BMPR2: variants seen among roughly 807,000 people sequenced by gnomAD.
The protein encoded by BMPR2 is bone morphogenetic protein receptor type 2.
In BMPR2, 29 loss-of-function variants were observed where a neutral mutation model predicts 100.8. That is an observed-to-expected ratio of 0.29 (90% CI 0.21 to 0.39). BMPR2 has a LOEUF of 0.39. BMPR2 is among the 10% of genes least tolerant of loss of function. The pLI is 1.00. For synonymous variants in BMPR2, 382 were observed against 442.3 expected (o/e 0.86, Z 1.71); for missense variants, 1,011 against 1,274.5 (o/e 0.79, Z 3.15).
At chr2:202,448,955 G>C (rs1691915736) in intron 1 of BMPR2, among the ~76,000 whole-genome samples, 1 of 150,884 alleles carries the variant, frequency 6.6e-6, no homozygotes, top group South Asian at 2.1e-4. Flanking sequence ...GTGTGTGTGT[G>C]TGTGTGTATT....
chr2:202,536,992 G>C (rs140952166), intron 9 of BMPR2, among the ~76,000 whole-genome samples: 1 of 152,080 alleles, frequency 6.6e-6, no homozygotes, highest in Non-Finnish European at 1.5e-5. Flanking sequence ...TGAACTCTTG[G>C]GCTCAAGCAG....
At chr2:202,435,499 A>T (rs1285634680) in intron 1 of BMPR2, among the ~76,000 whole-genome samples, 1 of 148,754 alleles carries the variant, frequency 6.7e-6, no homozygotes, top group Non-Finnish European at 1.5e-5. Flanking sequence ...ACCACAGGTT[A>T]AAAAGTTTAT....
intron 3 of BMPR2, among the ~76,000 whole-genome samples, chr2:202,487,466 A>G (rs1230770049): frequency 6.6e-6 from 1 of 152,244 alleles, no homozygotes; most frequent in Admixed American, 6.5e-5. Context: ...TCAGATTTCC[A>G]TGAAACTTGA....
In BMPR2 at chr2:202,464,995, C is replaced by T; in HGVS notation, c.247+16C>T. ...GTAAAACAAGGCAAGTGATACTTTC[C>T]TTACCTGAAATGACTGTGTTTTATA... On this transcript the variant is annotated intron_variant, in intron 2 of 12. Transcript: ENST00000374580. The T allele has an allele frequency of 6.2e-7, 1 of 1,613,468 alleles. No homozygotes were observed. Among genetic ancestry groups the T allele is most frequent in the Non-Finnish European group, 8.5e-7 (1 of 1,179,562 alleles).
intron 3 of BMPR2, 127 bp downstream of exon 3, chr2:202,467,816 T>C: frequency 3.1e-6 from 3 of 982,130 alleles, no homozygotes; most frequent in East Asian, 2.6e-5. Flanking sequence ...GCCAGCACTT[T>C]GGGAGGCCGA....
chr2:202,395,970 A>G (rs533326044), intron 1 of BMPR2, among the ~76,000 whole-genome samples: 1 of 152,184 alleles, frequency 6.6e-6, no homozygotes, highest in South Asian at 2.1e-4. Context: ...CAAAAAAAAA[A>G]GCTTACAATT....
At position 202,514,950 on chromosome 2, in the gene BMPR2, C is replaced by T; in HGVS notation, c.592C>T (p.Leu198Phe). 1 of 1,614,132 alleles carries T rather than the reference C, an allele frequency of 6.2e-7. No homozygotes were observed. Among genetic ancestry groups the T allele is most frequent in the South Asian group, 1.1e-5 (1 of 91,084 alleles). The change falls in exon 5 of 13, where the codon CTT becomes TTT. Residue 198 changes from leucine to phenylalanine, a missense_variant. Transcript: ENST00000374580. ...GGAGGCAGCAGCATCCGAACCCTCT[C>T]TTGATCTAGATAATCTGAAACTGTT... ...MMEAAASEPS[L>F]DLDNLKLLEL...
chr2:202,377,131 G>A lies in BMPR2; in HGVS notation c.-344G>A. On this transcript the variant is annotated 5_prime_UTR_variant, in exon 1 of 13. Coordinates refer to ENST00000374580, the MANE Select transcript of BMPR2 (RefSeq NM_001204.7). Reference sequence around the variant, plus strand: ...CTGGATATGTTTTCTCCCAGACCTGGATATTTTTTTGATATCGTGAAACTA... The same window carrying A: ...CTGGATATGTTTTCTCCCAGACCTGAATATTTTTTTGATATCGTGAAACTA... 1.7e-6 allele frequency: 1 copy of A among 587,172 alleles called. No individual in the cohort carries two copies. Among genetic ancestry groups the A allele is most frequent in the South Asian group, 2.1e-5 (1 of 47,566 alleles). The allele number at this position is 587,172 out of a possible 1,614,324, so 36.4% of individuals were successfully genotyped here.
intron 8 of BMPR2, among the ~76,000 whole-genome samples, chr2:202,531,712 A>G: frequency 6.7e-6 from 1 of 150,252 alleles, no homozygotes. Context: ...GCCCACCGCA[A>G]CCTCTGCCTC....
chr2:202,474,955 C>T (rs1233376086), intron 3 of BMPR2: 1 of 151,976 alleles, frequency 6.6e-6, no homozygotes, highest in African/African-American at 2.4e-5. Context: ...ACATAAGTAG[C>T]AAGGAAAAAA....
intron 3 of BMPR2, among the ~76,000 whole-genome samples, chr2:202,492,700 CA>C (rs1166246933): frequency 0.16 from 8,749 of 53,044 alleles, 49 homozygotes; most frequent in Non-Finnish European, 0.19. Flanking sequence ...AGCTCTGTCT[CA>C]AAAAAAAAAA....
intron 3 of BMPR2, among the ~76,000 whole-genome samples, chr2:202,474,540 A>G (rs1692501486): frequency 6.6e-6 from 1 of 151,956 alleles, no homozygotes; most frequent in Non-Finnish European, 1.5e-5. Context: ...TATTTTTTTG[A>G]GGCGGAGTCT....
intron 1 of BMPR2, among the ~76,000 whole-genome samples, chr2:202,452,111 A>C (rs1692002176): frequency 6.6e-6 from 1 of 152,064 alleles, no homozygotes. Flanking sequence ...CATACTCAAC[A>C]TACAGTACAT....
chr2:202,545,178 T>A (rs1472980103), intron 10 of BMPR2, among the ~76,000 whole-genome samples: 7 of 131,642 alleles, frequency 5.3e-5, no homozygotes, highest in Non-Finnish European at 1.0e-4. Flanking sequence ...TTTTCCATTT[T>A]TTCTCCCTCT....
At chr2:202,400,008 G>A (rs1690737444) in intron 1 of BMPR2, among the ~76,000 whole-genome samples, 1 of 152,112 alleles carries the variant, frequency 6.6e-6, no homozygotes, top group Non-Finnish European at 1.5e-5. Flanking sequence ...CTGCTCAGGA[G>A]CCTGAGGTGG....
intron 1 of BMPR2, among the ~76,000 whole-genome samples, chr2:202,425,114 A>G (rs755507060): frequency 2.6e-5 from 4 of 152,064 alleles, no homozygotes; most frequent in Non-Finnish European, 5.9e-5. Flanking sequence ...ACATGCCACC[A>G]TATTGGTCAG....
At chr2:202,388,978 T>G (rs1183212746) in intron 1 of BMPR2, among the ~76,000 whole-genome samples, 1 of 152,050 alleles carries the variant, frequency 6.6e-6, no homozygotes, top group African/African-American at 2.4e-5. Context: ...GGCTCGCGCC[T>G]GTAATCTTTG....
In BMPR2 at chr2:202,532,525, T is replaced by A; in HGVS notation, c.1129-60T>A. 3 of 1,571,774 alleles carry A rather than the reference T, an allele frequency of 1.9e-6. No individual in the cohort carries two copies. The highest frequency in any genetic ancestry group is 2.6e-6 in the Non-Finnish European group (3 of 1,142,990). ...GATTTATATATAACTTCTGGTCTAATGTCTGTTCTTCAGAATATGCTACGT... is the reference window on the plus strand; with the variant it reads ...GATTTATATATAACTTCTGGTCTAAAGTCTGTTCTTCAGAATATGCTACGT... On this transcript the variant is annotated intron_variant, in intron 8 of 12. Coordinates refer to ENST00000374580, the MANE Select transcript of BMPR2 (RefSeq NM_001204.7). This position sits in a 1 kb window ranked among gnomAD's most constrained non-coding sequence, Gnocchi z 4.1.
At chr2:202,465,580 C>T (rs907849060) in intron 2 of BMPR2, among the ~76,000 whole-genome samples, 2 of 152,006 alleles carry the variant, frequency 1.3e-5, no homozygotes, top group Non-Finnish European at 2.9e-5. Flanking sequence ...TTTTACTGGC[C>T]GGGCGTGGTG....
Sources: gnomAD v4.1 joint callset for allele counts (sites outside exome capture counted in the v4.1 genomes callset) on GRCh38, gnomAD v4.1.1 for gene constraint, Gnocchi (gnomAD v3.1) non-coding constraint, MANE v1.5 for transcripts, NCBI Gene and HGNC (gene_info 2026-07-23, HGNC 2026-07-21) for gene names.